Variants in CCDC146 observed in about 807,000 individuals in gnomAD.
CCDC146 encodes the protein coiled-coil domain-containing protein 146.
Under a neutral mutation model 119.3 loss-of-function variants are expected in CCDC146, and 92 were observed. That is an observed-to-expected ratio of 0.77 (90% CI 0.65 to 0.92). The LOEUF (loss-of-function observed/expected upper bound fraction) is 0.92. Among genes scored for constraint, CCDC146 ranks in the 40% least tolerant of loss-of-function variants. CCDC146 has a pLI of 0.00. For missense variants in CCDC146, 1,000 were observed against 1,103.0 expected (o/e 0.91, Z 1.32); for synonymous variants, 372 against 371.8 (o/e 1.00, Z -0.01).
rs189370744 is a variant in CCDC146 at position 77,249,680 on chromosome 7, A to G, written c.450-4826A>G. Among the ~76,000 whole-genome samples, 227 of 152,196 alleles carry G rather than the reference A, an allele frequency of 1.5e-3. 5 individuals carry two copies. Among genetic ancestry groups the G allele is most frequent in the Admixed American group, 0.015 (227 of 15,272 alleles). ...CTTTCTCTATCCATTTACTTTTAAT[A>G]TATATGTGTCTTTATATTTAAACTG... On this transcript the variant is annotated intron_variant, in intron 4 of 18. Coordinates refer to ENST00000285871, the MANE Select transcript of CCDC146 (RefSeq NM_020879.3).
intron 9 of CCDC146, among the ~76,000 whole-genome samples, chr7:77,269,562 G>A (rs1264649893): frequency 2.6e-5 from 4 of 152,230 alleles, no homozygotes; most frequent in African/African-American, 9.6e-5. Context: ...CACAAAATAT[G>A]TGAGGCATGG....
chr7:77,185,957 A>G (rs1791660594), intron 2 of CCDC146, among the ~76,000 whole-genome samples: 1 of 152,232 alleles, frequency 6.6e-6, no homozygotes, highest in Non-Finnish European at 1.5e-5. Context: ...ATCTCACCCC[A>G]GTTTAAATGG....
At chr7:77,197,397 T>TAGG (rs1331707694) in intron 2 of CCDC146, among the ~76,000 whole-genome samples, 1 of 152,252 alleles carries the variant, frequency 6.6e-6, no homozygotes, top group Non-Finnish European at 1.5e-5. Flanking sequence ...TGAGGATATT[T>TAGG]AGGCATAAAG....
chr7:77,196,198 G>A lies in CCDC146; in HGVS notation c.156+28374G>A. 1.0e-6 allele frequency: 1 copy of A among 1,000,136 alleles called. No homozygotes were observed. The highest frequency in any genetic ancestry group is 1.5e-6 in the Non-Finnish European group (1 of 684,722). The allele number at this position is 1,000,136 out of a possible 1,614,324, so 62.0% of individuals were successfully genotyped here. A position where few individuals can be genotyped will look rare whatever the true frequency, so the allele number is the denominator to read the frequency against. On this transcript the variant is annotated intron_variant, in intron 2 of 18. Coordinates refer to ENST00000285871, the MANE Select transcript of CCDC146 (RefSeq NM_020879.3). This position sits in a 1 kb window ranked among gnomAD's most constrained non-coding sequence, Gnocchi z 4.2. ...ATCATTTTTTAGCTATGAAAAATAT[G>A]AAACAAGGCATATTCTAAAGTGCTG...
chr7:77,169,848 T>G (rs1311033047), intron 2 of CCDC146, among the ~76,000 whole-genome samples: 2 of 152,172 alleles, frequency 1.3e-5, no homozygotes, highest in African/African-American at 4.8e-5. Flanking sequence ...TACTGGAGAA[T>G]GATATTTGGA....
rs980927346 is a variant in CCDC146 at position 77,199,301 on chromosome 7, T to C, written c.156+31477T>C. 1.1e-5 allele frequency: 18 copies of C among 1,614,012 alleles called. No homozygotes were observed. The African/African-American group carries it at 2.1e-4, about 19-fold the overall frequency. ...ACATAATTTTCTATGTTGTTCATAT[T>C]TACAAGATTCAGCTTCTCCAGGCGA... is the stretch of plus-strand genomic sequence containing the variant. On this transcript the variant is annotated intron_variant, in intron 2 of 18. Transcript: ENST00000285871.
Position 77,280,657 on chromosome 7 carries a change from A to T in CCDC146, c.1919+4A>T. On this transcript the variant is annotated splice_donor_region_variant and intron_variant, in intron 14 of 18. Coordinates refer to ENST00000285871, the MANE Select transcript of CCDC146 (RefSeq NM_020879.3). The stretch of plus-strand genomic sequence containing the variant: ...CTGTTCAGCATCGAAATGAAAGGTA[A>T]AAACCAGGTGTGAGAACAGAGCACC... 1 of 1,603,040 alleles carries T rather than the reference A, an allele frequency of 6.2e-7. No individual in the cohort carries two copies. Among genetic ancestry groups the T allele is most frequent in the Non-Finnish European group, 8.5e-7 (1 of 1,173,716 alleles).
intron 2 of CCDC146, among the ~76,000 whole-genome samples, chr7:77,188,124 C>T (rs1791701132): frequency 1.3e-5 from 2 of 152,164 alleles, no homozygotes; most frequent in South Asian, 4.1e-4. Context: ...CCACGAGGCA[C>T]CCCTGGAGTC....
chr7:77,159,689 T>C (rs1311797552), intron 1 of CCDC146, among the ~76,000 whole-genome samples: 1 of 152,226 alleles, frequency 6.6e-6, no homozygotes, highest in Non-Finnish European at 1.5e-5. Flanking sequence ...TATTTTTTAC[T>C]TTTTGAGGAA....
At position 77,266,219 on chromosome 7, in the gene CCDC146, G is replaced by A. The variant is rs144399895; in HGVS notation, c.1173+3912G>A. Reference sequence around the variant, plus strand: ...CAATGACAAAATCCTCTTACCAAGTGAATATGACACTTTCTATATACTGTA... The same window carrying A: ...CAATGACAAAATCCTCTTACCAAGTAAATATGACACTTTCTATATACTGTA... On this transcript the variant is annotated intron_variant, in intron 9 of 18. Coordinates refer to ENST00000285871, the MANE Select transcript of CCDC146 (RefSeq NM_020879.3). Among the ~76,000 whole-genome samples the A allele has an allele frequency of 1.1e-3, 167 of 152,250 alleles. 1 individual carries two copies. Among genetic ancestry groups the A allele is most frequent in the Non-Finnish European group, 2.0e-3 (135 of 68,006 alleles).
chr7:77,262,190 T>G lies in CCDC146; in HGVS notation c.1056T>G (p.Arg352=), dbSNP rs1444573993. 1 of 1,613,856 alleles carries G rather than the reference T, an allele frequency of 6.2e-7. No homozygotes were observed. Among genetic ancestry groups the G allele is most frequent in the East Asian group, 2.2e-5 (1 of 44,860 alleles). Residue 352 remains arginine (R), a synonymous_variant, in exon 9 of 19, where the codon CGT becomes CGG. Coordinates refer to ENST00000285871, the MANE Select transcript of CCDC146 (RefSeq NM_020879.3). ...AGAACTACCATGATGAACTTTCTCG[T>G]AAGCAAAGAGAGAAAGAACGAGATT... The part of the protein sequence containing the change: ...DKQNYHDELS[R]KQREKERDFR...
At chr7:77,129,018 G>A (rs1311945485) in intron 1 of CCDC146, among the ~76,000 whole-genome samples, 1 of 152,064 alleles carries the variant, frequency 6.6e-6, no homozygotes, top group East Asian at 1.9e-4. Context: ...AACAGGGTCA[G>A]CCCTACTCCT....
At chr7:77,182,143 C>A (rs745402742) in intron 2 of CCDC146, among the ~76,000 whole-genome samples, 1 of 152,052 alleles carries the variant, frequency 6.6e-6, no homozygotes, top group Non-Finnish European at 1.5e-5. Flanking sequence ...TGACATTAAA[C>A]CTCAGATTAG....
At chr7:77,285,814 T>C (rs1055273242) in intron 15 of CCDC146, among the ~76,000 whole-genome samples, 1 of 152,264 alleles carries the variant, frequency 6.6e-6, no homozygotes, top group African/African-American at 2.4e-5. Context: ...TTGATACATA[T>C]GACACTATAT....
intron 2 of CCDC146, among the ~76,000 whole-genome samples, chr7:77,181,730 G>C (rs1791592769): frequency 6.6e-6 from 1 of 152,152 alleles, no homozygotes; most frequent in Non-Finnish European, 1.5e-5. Context: ...CTTCTTGTGA[G>C]TTTATTGTAT....
At chr7:77,191,266 C>A (rs1170644346) in intron 2 of CCDC146, among the ~76,000 whole-genome samples, 1 of 152,166 alleles carries the variant, frequency 6.6e-6, no homozygotes, top group East Asian at 1.9e-4. Context: ...TAAGTGAGGA[C>A]TTACTGTATT....
At chr7:77,137,453 G>A (rs2539153) in intron 1 of CCDC146, among the ~76,000 whole-genome samples, 7,253 of 118,166 alleles carry the variant, frequency 0.061, 395 homozygotes, top group African/African-American at 0.069. Flanking sequence ...ACTTTCCTAC[G>A]CAGCAGCAAT....
chr7:77,179,421 A>G (rs1487783974), intron 2 of CCDC146, among the ~76,000 whole-genome samples: 3 of 152,276 alleles, frequency 2.0e-5, no homozygotes, highest in African/African-American at 7.2e-5. Context: ...ATAGCCTTGT[A>G]GAACATCTAT....
At chr7:77,135,289 A>C (rs1203533931) in intron 1 of CCDC146, among the ~76,000 whole-genome samples, 1 of 152,146 alleles carries the variant, frequency 6.6e-6, no homozygotes, top group Non-Finnish European at 1.5e-5. Flanking sequence ...GGAGTTTGAG[A>C]CCAGCCTGGG....
Sources: gnomAD v4.1 joint callset for allele counts (sites outside exome capture counted in the v4.1 genomes callset) on GRCh38, gnomAD v4.1.1 for gene constraint, Gnocchi (gnomAD v3.1) non-coding constraint, MANE v1.5 for transcripts, NCBI Gene and HGNC (gene_info 2026-07-23, HGNC 2026-07-21) for gene names.